The following PRKCG variants were observed in gnomAD, a reference collection of about 807,000 sequenced individuals.
The protein encoded by PRKCG is protein kinase C gamma.
Under a neutral mutation model 82.0 loss-of-function variants are expected in PRKCG, and 28 were observed. The observed-to-expected ratio is 0.34, with a 90% CI of 0.25 to 0.47. PRKCG has a LOEUF of 0.47. Ranked by LOEUF, PRKCG falls within the 20% of genes least tolerant of loss-of-function variation. PRKCG has a pLI of 1.00. For missense variants in PRKCG, 640 were observed against 952.7 expected, an observed-to-expected ratio of 0.67 and a Z score of 4.32; for synonymous variants, 383 against 376.6, an observed-to-expected ratio of 1.02 and a Z score of -0.20.
At chr19:53,886,640 G>C (rs1248514032) in intron 3 of PRKCG, among the ~76,000 whole-genome samples, 1 of 151,482 alleles carries the variant, frequency 6.6e-6, no homozygotes, top group African/African-American at 2.4e-5. Flanking sequence ...TTCAACTCCT[G>C]GTCTCACTCG....
At chr19:53,901,596 TA>T (rs2123019237) in intron 14 of PRKCG, among the ~76,000 whole-genome samples, 1 of 147,138 alleles carries the variant, frequency 6.8e-6, no homozygotes, top group African/African-American at 2.5e-5. Context: ...CTCACACCTG[TA>T]ATTCCAGCAC....
intron 17 of PRKCG, 121 bp from the exon 18 acceptor site, chr19:53,906,586 A>G: frequency 6.4e-7 from 1 of 1,552,260 alleles, no homozygotes; most frequent in Non-Finnish European, 8.9e-7. Context: ...AAGGAGGTGC[A>G]GACACCATGA....
chr19:53,883,182 C>T lies in PRKCG; in HGVS notation c.190C>T (p.Leu64=). ...TTCCAGGGGTATCGGAAAGCAGGGC[C>T]TGCAATGTCAAGGTAAGAGCTGGGG... The part of the protein sequence containing the change: ...DFIWGIGKQG[L]QCQVCSFVVH... The change falls in exon 2 of 18, where the codon CTG becomes TTG. Residue 64 remains leucine, a synonymous_variant. Transcript: ENST00000263431. The surrounding 1 kb of genome is among the most constrained non-coding windows in gnomAD (Gnocchi z 5.4). 6.2e-7 allele frequency: 1 copy of T among 1,613,956 alleles called. No individual in the cohort carries two copies. The highest frequency in any genetic ancestry group is 2.2e-5 in the East Asian group (1 of 44,834).
intron 9 of PRKCG, among the ~76,000 whole-genome samples, chr19:53,897,707 A>G (rs1317691894): frequency 6.6e-6 from 1 of 151,890 alleles, no homozygotes; most frequent in Non-Finnish European, 1.5e-5. Flanking sequence ...TTCTGGAAAC[A>G]GCATATGATA....
chr19:53,902,581 G>T (rs1256399379), intron 14 of PRKCG, among the ~76,000 whole-genome samples: 1 of 151,958 alleles, frequency 6.6e-6, no homozygotes, highest in African/African-American at 2.4e-5. Flanking sequence ...TATTCCAAAA[G>T]TTAGATCGCT....
chr19:53,906,693 C>G lies in PRKCG; in HGVS notation c.1906-14C>G. The G allele has an allele frequency of 1.9e-6, 3 of 1,612,156 alleles. No homozygotes were observed. Among genetic ancestry groups the G allele is most frequent in the Non-Finnish European group, 2.5e-6 (3 of 1,179,942 alleles). On this transcript the variant is annotated splice_polypyrimidine_tract_variant and intron_variant, in intron 17 of 17. Coordinates refer to ENST00000263431, the MANE Select transcript of PRKCG (RefSeq NM_002739.5). Reference sequence around the variant, plus strand: ...CGGAGCTGCTTAACTTTCCCTCCCCCACGTCTCCCACAGTGTGGCCGCAGC... The same window carrying G: ...CGGAGCTGCTTAACTTTCCCTCCCCGACGTCTCCCACAGTGTGGCCGCAGC...
chr19:53,893,069 G>A lies in PRKCG; in HGVS notation c.903G>A (p.Lys301=), dbSNP rs1487264720. 2 of 1,613,780 alleles carry A rather than the reference G, an allele frequency of 1.2e-6. No individual in the cohort carries two copies. Among genetic ancestry groups the A allele is most frequent in the Non-Finnish European group, 1.7e-6 (2 of 1,179,830 alleles). ...ADADNCSLLQ[K]FEACNYPLEL... ...CTGACAACTGCAGCCTCCTCCAGAA[G>A]TTTGAGGTACCCAGACCCTGGCTTC... Residue 301 remains lysine (K), a synonymous_variant, in exon 8 of 18, where the codon AAG becomes AAA. Transcript: ENST00000263431.
At chr19:53,902,024 T>C (rs1441333207) in intron 14 of PRKCG, among the ~76,000 whole-genome samples, 1 of 152,088 alleles carries the variant, frequency 6.6e-6, no homozygotes, top group Admixed American at 6.6e-5. Flanking sequence ...ATGCCTGTAG[T>C]CCCAGCTACT....
Position 53,900,171 on chromosome 19 carries a change from A to G in PRKCG, c.1282-62A>G. ...TCCACGTCTGTCCTGAGTGATCAGG[A>G]AAGAAATTCTCCTACTCTGGGTAGA... is the stretch of plus-strand genomic sequence containing the variant. On this transcript the variant is annotated intron_variant, in intron 11 of 17. Coordinates refer to ENST00000263431, the MANE Select transcript of PRKCG (RefSeq NM_002739.5). This position sits in a 1 kb window ranked among gnomAD's most constrained non-coding sequence, Gnocchi z 4.2. The G allele has an allele frequency of 1.3e-6, 2 of 1,493,250 alleles. No homozygotes were observed. Among genetic ancestry groups the G allele is most frequent in the Non-Finnish European group, 1.9e-6 (2 of 1,070,236 alleles). The allele number at this position is 1,493,250 out of a possible 1,614,324, so 92.5% of individuals were successfully genotyped here.
intron 3 of PRKCG, among the ~76,000 whole-genome samples, chr19:53,886,352 C>A (rs2068631381): frequency 6.6e-6 from 1 of 152,078 alleles, no homozygotes; most frequent in African/African-American, 2.4e-5. Context: ...GATCCACCCA[C>A]CTCGGCCTCC....
rs570310418 is a variant in PRKCG at position 53,907,296 on chromosome 19, C to G, written c.*401C>G. 4.0e-5 allele frequency: 12 copies of G among 301,526 alleles called. No homozygotes were observed. The South Asian group carries it at 4.0e-4, about 10-fold the overall frequency. The allele number at this position is 301,526 out of a possible 1,614,324, so 18.7% of individuals were successfully genotyped here. ...GGGTTGGCTGTTCCAGACTCAGGTT[C>G]CAGAACAGCCCTCGGCCTCCGAGGC... On this transcript the variant is annotated 3_prime_UTR_variant, in exon 18 of 18. Transcript: ENST00000263431.
Position 53,892,691 on chromosome 19 carries a change from TC to T in PRKCG, c.821+50del. The T allele has an allele frequency of 6.3e-7, 1 of 1,589,828 alleles. No homozygotes were observed. ...GGGGATGGAGCGCAATATTACCATC[TC>T]CATCTGTGTGTGGTCTCTCTCCTCC... On this transcript the variant is annotated intron_variant, in intron 7 of 17. Transcript: ENST00000263431. This position sits in a 1 kb window ranked among gnomAD's most constrained non-coding sequence, Gnocchi z 5.9.
intron 5 of PRKCG, among the ~76,000 whole-genome samples, chr19:53,890,776 A>C (rs529249863): frequency 2.2e-4 from 31 of 141,446 alleles, no homozygotes; most frequent in African/African-American, 8.4e-4. Context: ...TTTTGAGACA[A>C]GATCTCGCTC....
intron 16 of PRKCG, among the ~76,000 whole-genome samples, 175 bp downstream of exon 16, chr19:53,904,917 C>T (rs144193128): frequency 9.5e-4 from 144 of 152,308 alleles, no homozygotes; most frequent in African/African-American, 3.3e-3. Flanking sequence ...CCTGTTGCCA[C>T]GAGGCCTGGA....
chr19:53,898,295 ACGGGCGG>A, intron 10 of PRKCG, 138 bp from the exon 11 acceptor site: 1 of 1,323,272 alleles, frequency 7.6e-7, no homozygotes, highest in Non-Finnish European at 1.1e-6. Flanking sequence ...CCTTGAGGGG[ACGGGCGG>A]CAAGTCAGGG....
chr19:53,900,267 G>A lies in PRKCG; in HGVS notation c.1316G>A (p.Gly439Glu). ...RLYFVMEYVTGGDLMYHIQQL... is the reference protein window; with the variant it reads ...RLYFVMEYVTEGDLMYHIQQL... ...TATTTCGTGATGGAGTACGTCACCG[G>A]GGGAGACTTGATGTACCACATTCAA... The change falls in exon 12 of 18, where the codon GGG (glycine) becomes GAG (glutamate). Residue 439 changes from glycine to glutamate, a missense_variant. By Grantham distance (98) the Gly-to-Glu change is moderately conservative. Around this residue, in one of 7 missense-constraint regions of PRKCG, gnomAD observed 78 missense variants for 105.6 expected, o/e 0.74. Transcript: ENST00000263431. This position sits in a 1 kb window ranked among gnomAD's most constrained non-coding sequence, Gnocchi z 4.2. The A allele has an allele frequency of 6.2e-7, 1 of 1,614,122 alleles. No homozygotes were observed.
At chr19:53,893,430 C>G (rs759902372) in intron 9 of PRKCG, 39 bp downstream of exon 9, 2 of 1,588,530 alleles carry the variant, frequency 1.3e-6, no homozygotes, top group East Asian at 2.2e-5. Context: ...GCAGTTTTTG[C>G]CTACTTCTCT....
rs1375456968 is a variant in PRKCG at position 53,883,265 on chromosome 19, C to T, written c.202+71C>T. 6.4e-7 allele frequency: 1 copy of T among 1,568,100 alleles called. No individual in the cohort carries two copies. The highest frequency in any genetic ancestry group is 8.8e-7 in the Non-Finnish European group (1 of 1,140,392). ...GGCTGGGGCCCCACAGCTGAGGCTGCTTGACACACGTGTTCTCTGGTCCCC... is the reference window on the plus strand; with the variant it reads ...GGCTGGGGCCCCACAGCTGAGGCTGTTTGACACACGTGTTCTCTGGTCCCC... On this transcript the variant is annotated intron_variant, in intron 2 of 17. Coordinates refer to ENST00000263431, the MANE Select transcript of PRKCG (RefSeq NM_002739.5). This position sits in a 1 kb window ranked among gnomAD's most constrained non-coding sequence, Gnocchi z 5.4.
At chr19:53,906,594 T>C in intron 17 of PRKCG, 113 bp from the exon 18 acceptor site, 1 of 1,529,198 alleles carries the variant, frequency 6.5e-7, no homozygotes, top group Non-Finnish European at 9.0e-7. Context: ...GCAGACACCA[T>C]GAAGCATGAA....
Sources: gnomAD v4.1 joint callset for allele counts (sites outside exome capture counted in the v4.1 genomes callset) on GRCh38, gnomAD v4.1.1 for gene constraint, gnomAD v4.1.1 regional missense constraint, Gnocchi (gnomAD v3.1) non-coding constraint, MANE v1.5 for transcripts, NCBI Gene and HGNC (gene_info 2026-07-23, HGNC 2026-07-21) for gene names.